SCHIP1: variants seen among roughly 807,000 people sequenced by gnomAD.
SCHIP1 encodes schwannomin interacting protein 1.
SCHIP1 carries 8 observed loss-of-function variants against 29.7 expected under a neutral mutation model. That is an observed-to-expected ratio of 0.27 (90% CI 0.16 to 0.49). The LOEUF is 0.49. SCHIP1 is among the 20% of genes least tolerant of loss of function. SCHIP1 has a pLI of 0.99. For missense variants in SCHIP1, 193 were observed against 294.6 expected (o/e 0.66, Z 2.52); for synonymous variants, 76 against 94.9 (o/e 0.80, Z 1.16).
At chr3:159,863,744 G>C (rs922222624) in intron 1 of SCHIP1, among the ~76,000 whole-genome samples, 3 of 152,172 alleles carry the variant, frequency 2.0e-5, no homozygotes, top group South Asian at 4.2e-4. Context: ...GAGAAGGAGA[G>C]GGGGAAAGAG....
chr3:159,365,345 G>A, the SCHIP1 span, among the ~76,000 whole-genome samples: 4 of 151,998 alleles, frequency 2.6e-5, no homozygotes, highest in Non-Finnish European at 5.9e-5. Context: ...TGAAACATGC[G>A]TTTTTTTCTG....
the SCHIP1 span, among the ~76,000 whole-genome samples, chr3:159,345,790 GC>G: frequency 6.6e-6 from 1 of 152,164 alleles, no homozygotes; most frequent in Non-Finnish European, 1.5e-5. Context: ...TAAGAGGAGG[GC>G]CTGGGCCTGA....
chr3:159,763,648 G>C, the SCHIP1 span: 2 of 152,254 alleles, frequency 1.3e-5, no homozygotes, highest in Non-Finnish European at 2.9e-5. Context: ...CATGCTCGGT[G>C]GCGGGACCGG....
chr3:159,332,557 T>G, the SCHIP1 span, among the ~76,000 whole-genome samples: 36,464 of 152,086 alleles, frequency 0.24, 4,718 homozygotes, highest in African/African-American at 0.33. Flanking sequence ...ATCTAGAAAT[T>G]CAATAAATAT....
chr3:159,445,644 T>C, the SCHIP1 span, among the ~76,000 whole-genome samples: 1 of 152,104 alleles, frequency 6.6e-6, no homozygotes, highest in African/African-American at 2.4e-5. Flanking sequence ...CCAACCATGA[T>C]AGACTGGATT....
the SCHIP1 span, among the ~76,000 whole-genome samples, chr3:159,449,672 A>C: frequency 6.6e-6 from 1 of 152,188 alleles, no homozygotes; most frequent in Non-Finnish European, 1.5e-5. Flanking sequence ...TATTATGTAG[A>C]AACTGAAATC....
chr3:159,544,506 G>A, the SCHIP1 span, among the ~76,000 whole-genome samples: 2 of 152,026 alleles, frequency 1.3e-5, no homozygotes, highest in Non-Finnish European at 2.9e-5. Context: ...ATGAATTCCT[G>A]TTGCTTAATA....
the SCHIP1 span, among the ~76,000 whole-genome samples, chr3:159,362,352 G>C: frequency 6.6e-6 from 1 of 152,142 alleles, no homozygotes; most frequent in African/African-American, 2.4e-5. Context: ...TGAGGGAGAA[G>C]GCAGTCAGTG....
the SCHIP1 span, among the ~76,000 whole-genome samples, chr3:159,626,220 ATATATATATCTAGATATATC>A: frequency 1.7e-5 from 2 of 120,502 alleles, 1 homozygote; most frequent in Non-Finnish European, 3.1e-5. Context: ...ATATCTAGAT[ATATATATATCTAGATATATC>A]TATCTATCTA....
chr3:159,855,469 T>C (rs1301255235), intron 1 of SCHIP1, among the ~76,000 whole-genome samples: 1 of 152,158 alleles, frequency 6.6e-6, no homozygotes, highest in Non-Finnish European at 1.5e-5. Context: ...TGCCGTAAAG[T>C]GGGGCTCTGC....
chr3:159,619,274 C>A, the SCHIP1 span, among the ~76,000 whole-genome samples: 1 of 152,158 alleles, frequency 6.6e-6, no homozygotes, highest in Non-Finnish European at 1.5e-5. Context: ...GGTTCATAAA[C>A]CTCTCTGGTA....
chr3:159,295,318 A>G, the SCHIP1 span, among the ~76,000 whole-genome samples: 1 of 149,840 alleles, frequency 6.7e-6, no homozygotes, highest in Non-Finnish European at 1.5e-5. Flanking sequence ...AGTCCCAGCT[A>G]CTCAGGAGGC....
the SCHIP1 span, among the ~76,000 whole-genome samples, chr3:159,523,199 A>T: frequency 6.6e-6 from 1 of 152,148 alleles, no homozygotes; most frequent in African/African-American, 2.4e-5. Flanking sequence ...ACATAACCAT[A>T]CTCCCATTAT....
At chr3:159,669,447 A>G in the SCHIP1 span, among the ~76,000 whole-genome samples, 2 of 152,230 alleles carry the variant, frequency 1.3e-5, no homozygotes, top group Admixed American at 1.3e-4. Context: ...TCCAATAGGA[A>G]GGTCTTTAAG....
chr3:159,726,926 T>C, the SCHIP1 span, among the ~76,000 whole-genome samples: 1 of 152,328 alleles, frequency 6.6e-6, no homozygotes, highest in South Asian at 2.1e-4. Flanking sequence ...CACTTTATTT[T>C]TTGCATTTAC....
At chr3:159,616,094 G>C in the SCHIP1 span, among the ~76,000 whole-genome samples, 1,362 of 139,572 alleles carry the variant, frequency 9.8e-3, 18 homozygotes, top group African/African-American at 0.043. Context: ...CTCTCAGAGA[G>C]CCAAGTGCAC....
the SCHIP1 span, among the ~76,000 whole-genome samples, chr3:159,338,579 G>A: frequency 2.6e-5 from 4 of 151,684 alleles, no homozygotes; most frequent in East Asian, 7.7e-4. Flanking sequence ...GATGTGATAG[G>A]ACCTACTCTA....
chr3:159,406,932 C>A, the SCHIP1 span, among the ~76,000 whole-genome samples: 1 of 151,532 alleles, frequency 6.6e-6, no homozygotes, highest in African/African-American at 2.4e-5. Context: ...AACAATATTG[C>A]CAGAGAAAAT....
chr3:159,300,609 C>T, the SCHIP1 span, among the ~76,000 whole-genome samples: 5 of 152,284 alleles, frequency 3.3e-5, no homozygotes, highest in South Asian at 4.1e-4. Flanking sequence ...TCTGAACACA[C>T]GGAGTTACAT....
Sources: gnomAD v4.1 joint callset for allele counts (sites outside exome capture counted in the v4.1 genomes callset) on GRCh38, gnomAD v4.1.1 for gene constraint, MANE v1.5 for transcripts, NCBI Gene and HGNC (gene_info 2026-07-23, HGNC 2026-07-21) for gene names.